STK24: variants seen among roughly 807,000 people sequenced by gnomAD.
STK24 encodes serine/threonine kinase 24, also known as serine/threonine-protein kinase 24.
Under a neutral mutation model 55.6 loss-of-function variants are expected in STK24, and 21 were observed. The observed-to-expected ratio is 0.38, with a 90% CI of 0.27 to 0.54. The LOEUF (loss-of-function observed/expected upper bound fraction) is 0.54, where lower values mean the gene tolerates loss of function less well. Among genes scored for constraint, STK24 ranks in the 20% least tolerant of loss-of-function variants. The pLI is 0.79. For missense variants in STK24, 383 were observed against 538.4 expected, an observed-to-expected ratio of 0.71 and a Z score of 2.86; for synonymous variants, 200 against 215.2, an observed-to-expected ratio of 0.93 and a Z score of 0.62.
Position 98,563,721 on chromosome 13 carries a change from G to T in STK24, c.42+13024C>A, listed in dbSNP as rs1276780013. 2.0e-5 allele frequency among the ~76,000 whole-genome samples: 3 copies of T among 152,126 alleles called. No homozygotes were observed. The East Asian group carries it at 5.8e-4, about 29-fold the overall frequency. On this transcript the variant is annotated intron_variant, in intron 1 of 10. Transcript: ENST00000539966. ...AAAATAAAAAAAAAATTAGCCGGGC[G>T]TGGTGGCGGGTGCCTATAGTCCCAG...
At chr13:98,537,807 T>C (rs1896777638) in intron 1 of STK24, among the ~76,000 whole-genome samples, 1 of 152,142 alleles carries the variant, frequency 6.6e-6, no homozygotes, top group Non-Finnish European at 1.5e-5. Context: ...AGGGATTCGA[T>C]TTAAGTGACT....
chr13:98,462,304 C>A (rs1192791793), intron 7 of STK24, among the ~76,000 whole-genome samples: 1 of 152,162 alleles, frequency 6.6e-6, no homozygotes, highest in Non-Finnish European at 1.5e-5. Context: ...TTTGGCCTCA[C>A]CTTGGCCATC....
chr13:98,548,902 G>C (rs1897095920), intron 1 of STK24, among the ~76,000 whole-genome samples: 2 of 140,936 alleles, frequency 1.4e-5, no homozygotes, highest in Admixed American at 1.4e-4. Flanking sequence ...TAAATGACTA[G>C]ATCTACCATA....
At chr13:98,514,318 G>T (rs1002354957) in intron 2 of STK24, among the ~76,000 whole-genome samples, 2 of 152,174 alleles carry the variant, frequency 1.3e-5, no homozygotes, top group Admixed American at 1.3e-4. Flanking sequence ...TAAAATGACT[G>T]GTTTTTCTGT....
At chr13:98,480,029 C>T (rs1366207659) in intron 3 of STK24, among the ~76,000 whole-genome samples, 5 of 152,140 alleles carry the variant, frequency 3.3e-5, no homozygotes, top group Admixed American at 1.3e-4. Context: ...ACCCCTCACC[C>T]GTGAGGGTCT....
At chr13:98,464,897 T>TC (rs1226704340) in intron 6 of STK24, among the ~76,000 whole-genome samples, 1 of 152,096 alleles carries the variant, frequency 6.6e-6, no homozygotes, top group Non-Finnish European at 1.5e-5. Context: ...AGCCAGGAGA[T>TC]CCCCTTTTTC....
chr13:98,489,018 C>T (rs912337), intron 2 of STK24, among the ~76,000 whole-genome samples: 79,674 of 152,000 alleles, frequency 0.52, 21,263 homozygotes, highest in Non-Finnish European at 0.58. Context: ...TCCTTAAGAG[C>T]GTGAGTTTTT....
At chr13:98,527,673 C>T (rs753839447) in intron 1 of STK24, among the ~76,000 whole-genome samples, 12 of 152,234 alleles carry the variant, frequency 7.9e-5, no homozygotes, top group African/African-American at 1.9e-4. Context: ...CAAACCTGAG[C>T]GGGGAGGCTC....
chr13:98,521,700 CT>C (rs957877758), intron 1 of STK24: 4 of 752,166 alleles, frequency 5.3e-6, no homozygotes, highest in South Asian at 1.4e-5. Context: ...GCAGCGCATC[CT>C]TTTTTAGCTA....
chr13:98,484,647 A>G (rs888657927), intron 2 of STK24, among the ~76,000 whole-genome samples: 1 of 152,164 alleles, frequency 6.6e-6, no homozygotes, highest in Non-Finnish European at 1.5e-5. Context: ...CCACGAAGGT[A>G]CGTCACCACT....
rs775790235 is a variant in STK24, at chr13:98,446,622, A to C, written c.*6551T>G. 4 of 1,603,622 alleles carry C rather than the reference A, an allele frequency of 2.5e-6. No individual in the cohort carries two copies. In the East Asian group the frequency reaches 6.7e-5, roughly 27 times the overall value. ...GGGCAGCAGCCAGGCCCAGCAGCAG[A>C]AGCTGACCCCGAAAAGCCACTTTGC... On this transcript the variant is annotated 3_prime_UTR_variant, in exon 11 of 11. Coordinates refer to ENST00000539966, the MANE Select transcript of STK24 (RefSeq NM_001032296.4).
intron 1 of STK24, among the ~76,000 whole-genome samples, chr13:98,559,699 A>G (rs1423615096): frequency 6.6e-6 from 1 of 152,166 alleles, no homozygotes; most frequent in African/African-American, 2.4e-5. Flanking sequence ...CTTCTATCCA[A>G]ATAGTTTCCA....
intron 5 of STK24, among the ~76,000 whole-genome samples, chr13:98,470,811 A>C (rs1894116017): frequency 6.6e-6 from 1 of 152,258 alleles, no homozygotes; most frequent in Non-Finnish European, 1.5e-5. Context: ...AGTGATTTTA[A>C]TTATATAGAG....
At chr13:98,533,770 A>ACACACG (rs1020303817) in intron 1 of STK24, among the ~76,000 whole-genome samples, 1 of 152,068 alleles carries the variant, frequency 6.6e-6, no homozygotes, top group Non-Finnish European at 1.5e-5. Context: ...ACACACACAC[A>ACACACG]CACACGCACA....
chr13:98,522,100 G>T (rs745823457), intron 1 of STK24: 37 of 1,328,388 alleles, frequency 2.8e-5, no homozygotes, highest in Non-Finnish European at 3.3e-5. Flanking sequence ...TCTGGATCCG[G>T]TCACCAGTGC....
intron 1 of STK24, among the ~76,000 whole-genome samples, chr13:98,534,612 T>C (rs1000443977): frequency 6.6e-6 from 1 of 152,138 alleles, no homozygotes; most frequent in Non-Finnish European, 1.5e-5. Context: ...ATCACTGTTG[T>C]AAAAACTAAG....
chr13:98,481,297 A>AT (rs1894570046), intron 3 of STK24, among the ~76,000 whole-genome samples: 1 of 152,218 alleles, frequency 6.6e-6, no homozygotes, highest in Non-Finnish European at 1.5e-5. Flanking sequence ...TGTTTTACAC[A>AT]AGCAAATCAC....
In STK24 at chr13:98,447,479, A is replaced by T. The variant is rs1275815039; in HGVS notation, c.*5694T>A. 1.3e-5 allele frequency: 2 copies of T among 152,440 alleles called. No individual in the cohort carries two copies. Among genetic ancestry groups the T allele is most frequent in the Non-Finnish European group, 2.9e-5 (2 of 68,228 alleles). 9.4% of individuals were successfully genotyped at this position (152,440 alleles called of 1,614,324 possible). ...ATTGTGACAAAGGGTCCAGCCTTGCAGTCCAGATCCTGAAAGGCCTGGGAC... is the reference window on the plus strand; with the variant it reads ...ATTGTGACAAAGGGTCCAGCCTTGCTGTCCAGATCCTGAAAGGCCTGGGAC... On this transcript the variant is annotated 3_prime_UTR_variant, in exon 11 of 11. Transcript: ENST00000539966.
intron 2 of STK24, among the ~76,000 whole-genome samples, chr13:98,501,432 G>A (rs900493023): frequency 2.6e-5 from 4 of 152,232 alleles, no homozygotes; most frequent in South Asian, 4.1e-4. Context: ...GAACTGAGGA[G>A]GCTGCAACCT....
Sources: allele counts gnomAD v4.1 joint callset (sites outside exome capture counted in the v4.1 genomes callset), GRCh38; gene constraint gnomAD v4.1.1; transcripts MANE v1.5; gene names NCBI Gene and HGNC (gene_info 2026-07-23, HGNC 2026-07-21).